The following MYRFL variants were observed in gnomAD, a reference collection of about 807,000 sequenced individuals.
MYRFL encodes myelin regulatory factor-like protein.
Under a neutral mutation model 109.4 loss-of-function variants are expected in MYRFL, and 88 were observed. That is an observed-to-expected ratio of 0.80 (90% CI 0.68 to 0.96). The LOEUF is 0.96. Among genes scored for constraint, MYRFL ranks in the 40% least tolerant of loss-of-function variants. The probability of loss-of-function intolerance (pLI) is 0.00; values close to 1 mark genes in which losing one functional copy is unlikely to be tolerated. For synonymous variants in MYRFL, 324 were observed against 320.9 expected (o/e 1.01, Z -0.10); for missense variants, 957 against 954.9 (o/e 1.00, Z -0.03).
chr12:69,917,395 T>TTC (rs1954772130), intron 13 of MYRFL, among the ~76,000 whole-genome samples: 1 of 149,562 alleles, frequency 6.7e-6, no homozygotes, highest in African/African-American at 2.4e-5. Flanking sequence ...TTTTTTTTTT[T>TTC]TTTTTTTTTT....
At chr12:69,932,879 GTGT>G (rs1313543363) in intron 16 of MYRFL, among the ~76,000 whole-genome samples, 1 of 150,696 alleles carries the variant, frequency 6.6e-6, no homozygotes, top group African/African-American at 2.4e-5. Flanking sequence ...GTGTGTGTGT[GTGT>G]TTGTGTGTGT....
chr12:69,869,089 T>C (rs956740897), intron 2 of MYRFL, among the ~76,000 whole-genome samples: 3 of 152,092 alleles, frequency 2.0e-5, no homozygotes, highest in Non-Finnish European at 4.4e-5. Context: ...ACATGAAAAA[T>C]TGGAGGAAAT....
At chr12:69,930,905 T>C (rs888142256) in intron 15 of MYRFL, among the ~76,000 whole-genome samples, 2 of 151,810 alleles carry the variant, frequency 1.3e-5, no homozygotes, top group African/African-American at 4.8e-5. Context: ...AAATAAAACC[T>C]ATTGAATCAG....
intron 22 of MYRFL, among the ~76,000 whole-genome samples, chr12:69,956,707 C>CA (rs1358731196): frequency 6.6e-6 from 1 of 151,966 alleles, no homozygotes; most frequent in Non-Finnish European, 1.5e-5. Flanking sequence ...CTCTTTTTTT[C>CA]ATCAACTTTG....
rs984047817 is a variant in MYRFL, at chr12:69,932,537, G to A, written c.1855G>A (p.Ala619Thr). 3 of 1,536,018 alleles carry A rather than the reference G, an allele frequency of 2.0e-6. No individual in the cohort carries two copies. The highest frequency in any genetic ancestry group is 1.4e-5 in the African/African-American group (1 of 73,170). ...NKVYFSGKRQACPNWVFQTLV... is the reference protein window; with the variant it reads ...NKVYFSGKRQTCPNWVFQTLV... Reference sequence around the variant, plus strand: ...GGTTTATTTTTCAGGAAAAAGACAGGCGTGTCCTAATTGGGTTTTCCAGAC... The same window carrying A: ...GGTTTATTTTTCAGGAAAAAGACAGACGTGTCCTAATTGGGTTTTCCAGAC... The change falls in exon 16 of 25, where the codon GCG (alanine) becomes ACG (threonine). Residue 619 changes from alanine to threonine, a missense_variant. Physicochemically the swap from Ala to Thr is moderately conservative, Grantham distance 58. Coordinates refer to ENST00000552032, the MANE Select transcript of MYRFL (RefSeq NM_182530.3).
intron 19 of MYRFL, among the ~76,000 whole-genome samples, chr12:69,937,861 T>C (rs1435927143): frequency 2.6e-5 from 4 of 152,250 alleles, no homozygotes; most frequent in African/African-American, 9.6e-5. Context: ...ATTGTCATCA[T>C]CATCATGATT....
intron 13 of MYRFL, among the ~76,000 whole-genome samples, chr12:69,913,682 T>A (rs748585474): frequency 2.6e-5 from 4 of 152,206 alleles, no homozygotes; most frequent in Admixed American, 6.5e-5. Flanking sequence ...AGTACCACAC[T>A]GTTTTGATTA....
chr12:69,896,925 C>T (rs1349888818), intron 9 of MYRFL, among the ~76,000 whole-genome samples: 4 of 152,304 alleles, frequency 2.6e-5, no homozygotes, highest in Middle Eastern at 3.4e-3. Flanking sequence ...TAAAACAGCT[C>T]ACAGATACCA....
intron 5 of MYRFL, 78 bp downstream of exon 5, chr12:69,880,370 GAGC>G: frequency 1.5e-6 from 1 of 661,898 alleles, no homozygotes; most frequent in Non-Finnish European, 2.7e-6. Context: ...ACCAGCCTTT[GAGC>G]AGCCCTGCAA....
chr12:69,836,199 G>C (rs1292334720), intron 1 of MYRFL, among the ~76,000 whole-genome samples: 2 of 152,212 alleles, frequency 1.3e-5, no homozygotes, highest in Non-Finnish European at 2.9e-5. Context: ...ATGCCGGTGT[G>C]GGTCCATTCC....
Position 69,893,839 on chromosome 12 carries a change from A to T in MYRFL, c.979A>T (p.Lys327Ter). The change falls in exon 8 of 25, where the codon AAA (lysine) becomes TAA (stop). Residue 327 changes from lysine to a stop codon, truncating the protein, a stop_gained and splice_region_variant. Coordinates refer to ENST00000552032, the MANE Select transcript of MYRFL (RefSeq NM_182530.3). LOFTEE classifies it high-confidence loss of function. ...GAGCAAAAAGATTTTCAATCCTGTT[A>T]AGTAAGAATTTATTTTCTGAATTCC... The part of the protein sequence containing the change: ...DRSKKIFNPV[K>*]IDLLADQVTK... 1.5e-6 allele frequency: 2 copies of T among 1,346,568 alleles called. No individual in the cohort carries two copies. Among genetic ancestry groups the T allele is most frequent in the East Asian group, 6.0e-5 (2 of 33,276 alleles). The allele number at this position is 1,346,568 out of a possible 1,614,324, so 83.4% of individuals were successfully genotyped here. A position where few individuals can be genotyped will look rare whatever the true frequency, so the allele number is the denominator to read the frequency against.
At position 69,895,465 on chromosome 12, in the gene MYRFL, C is replaced by T; in HGVS notation, c.1075C>T (p.Pro359Ser). The change falls in exon 9 of 25, where the codon CCA (proline) becomes TCA (serine). Residue 359 changes from proline (P) to serine (S), a missense_variant. Transcript: ENST00000552032. ...AAATAATATGAGAAAAAAGGGAAAA[C>T]CAAATCCAGACCAGAGGTACTGATG... Reference protein sequence around the residue: ...TANNMRKKGKPNPDQRYFMLV... With the variant: ...TANNMRKKGKSNPDQRYFMLV... 1 of 1,535,338 alleles carries T rather than the reference C, an allele frequency of 6.5e-7. No homozygotes were observed. Among genetic ancestry groups the T allele is most frequent in the Non-Finnish European group, 8.7e-7 (1 of 1,146,492 alleles).
At chr12:69,881,605 A>G (rs191096713) in intron 5 of MYRFL, among the ~76,000 whole-genome samples, 4 of 152,312 alleles carry the variant, frequency 2.6e-5, no homozygotes, top group Non-Finnish European at 5.9e-5. Flanking sequence ...TCTGTGGATG[A>G]TGACTTCACC....
intron 13 of MYRFL, among the ~76,000 whole-genome samples, chr12:69,924,483 T>C (rs1955009562): frequency 6.6e-6 from 1 of 152,234 alleles, no homozygotes; most frequent in African/African-American, 2.4e-5. Flanking sequence ...GCTATGCAAA[T>C]GTACCACAGT....
intron 6 of MYRFL, 131 bp downstream of exon 6, chr12:69,887,101 T>C: frequency 2.1e-6 from 2 of 933,850 alleles, no homozygotes; most frequent in Non-Finnish European, 3.1e-6. Flanking sequence ...GTGTCTGTCT[T>C]ACTCCTCATT....
chr12:69,864,772 C>T (rs1884915886), intron 2 of MYRFL, among the ~76,000 whole-genome samples: 1 of 151,996 alleles, frequency 6.6e-6, no homozygotes, highest in African/African-American at 2.4e-5. Flanking sequence ...GAACTCAGAT[C>T]CTAATTGCCC....
intron 1 of MYRFL, among the ~76,000 whole-genome samples, chr12:69,852,346 T>G (rs904810141): frequency 3.3e-5 from 5 of 152,064 alleles, no homozygotes; most frequent in African/African-American, 1.2e-4. Flanking sequence ...TCTCTAAATA[T>G]ATATTTAGAT....
intron 2 of MYRFL, among the ~76,000 whole-genome samples, chr12:69,856,382 G>A (rs751241753): frequency 1.3e-5 from 2 of 152,030 alleles, no homozygotes; most frequent in African/African-American, 2.4e-5. Context: ...ATGGGTTTTT[G>A]TGTGATCAAT....
At chr12:69,868,230 C>T (rs940971608) in intron 2 of MYRFL, among the ~76,000 whole-genome samples, 2 of 152,026 alleles carry the variant, frequency 1.3e-5, no homozygotes, top group Non-Finnish European at 2.9e-5. Flanking sequence ...CCTCAGCCTC[C>T]CGAGTAGCTG....
Sources: allele counts gnomAD v4.1 joint callset (sites outside exome capture counted in the v4.1 genomes callset), GRCh38; gene constraint gnomAD v4.1.1; transcripts MANE v1.5; gene names NCBI Gene and HGNC (gene_info 2026-07-23, HGNC 2026-07-21).